ABHD17B: variants seen among roughly 807,000 people sequenced by gnomAD.
ABHD17B encodes the protein alpha/beta hydrolase domain-containing protein 17B.
ABHD17B carries 9 observed loss-of-function variants against 26.2 expected under a neutral mutation model. The observed-to-expected ratio is 0.34, with a 90% CI of 0.21 to 0.60. The LOEUF (loss-of-function observed/expected upper bound fraction) is 0.60. ABHD17B is among the 20% of genes least tolerant of loss of function. The probability of loss-of-function intolerance (pLI) is 0.80; values close to 1 mark genes in which losing one functional copy is unlikely to be tolerated. For synonymous variants in ABHD17B, 127 were observed against 122.3 expected, an observed-to-expected ratio of 1.04 and a Z score of -0.25; for missense variants, 224 against 352.1, an observed-to-expected ratio of 0.64 and a Z score of 2.91.
intron 1 of ABHD17B, among the ~76,000 whole-genome samples, chr9:71,898,224 T>C (rs767537889): frequency 2.0e-5 from 3 of 152,068 alleles, no homozygotes; most frequent in Non-Finnish European, 4.4e-5. Flanking sequence ...GTGAGAGAAT[T>C]AGAACTTCAT....
At chr9:71,871,878 C>T (rs1826124644) in intron 2 of ABHD17B, among the ~76,000 whole-genome samples, 2 of 152,108 alleles carry the variant, frequency 1.3e-5, no homozygotes, top group South Asian at 4.1e-4. Flanking sequence ...ATAGTGAATG[C>T]CAGGCCCCGA....
chr9:71,908,956 T>C (rs541770351), intron 1 of ABHD17B, among the ~76,000 whole-genome samples: 31 of 152,324 alleles, frequency 2.0e-4, no homozygotes, highest in African/African-American at 7.0e-4. Flanking sequence ...AGTGTCAAAC[T>C]TGGAACAGAC....
intron 1 of ABHD17B, among the ~76,000 whole-genome samples, chr9:71,901,336 C>A (rs1182527367): frequency 6.6e-6 from 1 of 151,740 alleles, no homozygotes; most frequent in Non-Finnish European, 1.5e-5. Flanking sequence ...TAACATCTAT[C>A]ATCAACTTGT....
chr9:71,887,520 ATTAT>A (rs1389949900), intron 1 of ABHD17B, among the ~76,000 whole-genome samples: 1 of 152,202 alleles, frequency 6.6e-6, no homozygotes, highest in Non-Finnish European at 1.5e-5. Context: ...TCCACATATG[ATTAT>A]TTAAATTTAA....
At chr9:71,893,562 C>A (rs1487169583) in intron 1 of ABHD17B, among the ~76,000 whole-genome samples, 1 of 152,228 alleles carries the variant, frequency 6.6e-6, no homozygotes, top group Admixed American at 6.5e-5. Flanking sequence ...CATCTGGAAG[C>A]TTTCTGAATC....
At chr9:71,863,347 C>T (rs1825875395), downstream of ABHD17B, among the ~76,000 whole-genome samples, 1 of 152,116 alleles carries the variant, frequency 6.6e-6, no homozygotes, top group African/African-American at 2.4e-5. Context: ...CAATTAGTTC[C>T]ATTAATTTCT....
At chr9:71,910,182 G>A (rs1827412052) in intron 1 of ABHD17B, among the ~76,000 whole-genome samples, 1 of 152,104 alleles carries the variant, frequency 6.6e-6, no homozygotes, top group African/African-American at 2.4e-5. Flanking sequence ...GGACATTCAG[G>A]AGAAAGCTTT....
chr9:71,884,456 C>G (rs987622716), intron 1 of ABHD17B, among the ~76,000 whole-genome samples: 3 of 151,918 alleles, frequency 2.0e-5, no homozygotes, highest in Non-Finnish European at 4.4e-5. Flanking sequence ...AGACTGATGA[C>G]TAGGGATTAA....
At position 71,865,244 on chromosome 9, in the gene ABHD17B, A is replaced by G. The variant is rs973916431; in HGVS notation, c.*1543T>C. On this transcript the variant is annotated 3_prime_UTR_variant, in exon 4 of 4. Transcript: ENST00000333421. ...TATACTTTGAAGAGAGTCATATACT[A>G]TAGTCTTAAACATAACCACGGAACG... 2.0e-6 allele frequency: 2 copies of G among 985,694 alleles called. No individual in the cohort carries two copies. Among genetic ancestry groups the G allele is most frequent in the Non-Finnish European group, 2.4e-6 (2 of 829,832 alleles). 61.1% of individuals were successfully genotyped at this position (985,694 alleles called of 1,614,324 possible). A position where few individuals can be genotyped will look rare whatever the true frequency, so the allele number is the denominator to read the frequency against.
downstream of ABHD17B, among the ~76,000 whole-genome samples, chr9:71,863,008 GA>G (rs904010850): frequency 1.8e-4 from 27 of 148,002 alleles, no homozygotes; most frequent in East Asian, 3.9e-4. Flanking sequence ...AAATCACCGA[GA>G]AAAAAAAAAT....
In ABHD17B at chr9:71,866,264, A is replaced by G. The variant is rs1269520196; in HGVS notation, c.*523T>C. 2 of 985,278 alleles carry G rather than the reference A, an allele frequency of 2.0e-6. No homozygotes were observed. Among genetic ancestry groups the G allele is most frequent in the Non-Finnish European group, 2.4e-6 (2 of 829,320 alleles). 61.0% of individuals were successfully genotyped at this position (985,278 alleles called of 1,614,324 possible). On this transcript the variant is annotated 3_prime_UTR_variant, in exon 4 of 4. Transcript: ENST00000333421. ...AAAATTCAATGTATTTTACAATAAAATAACTTTAAACCTCTATCCCTGTAC... is the reference window on the plus strand; with the variant it reads ...AAAATTCAATGTATTTTACAATAAAGTAACTTTAAACCTCTATCCCTGTAC...
intron 1 of ABHD17B, among the ~76,000 whole-genome samples, chr9:71,906,199 C>T (rs1489425082): frequency 6.6e-6 from 1 of 152,024 alleles, no homozygotes; most frequent in African/African-American, 2.4e-5. Context: ...GGATTTAATA[C>T]CAAGTTTATT....
intron 1 of ABHD17B, among the ~76,000 whole-genome samples, chr9:71,900,600 C>CAAGATTGA (rs1333293875): frequency 2.7e-5 from 4 of 146,220 alleles, no homozygotes; most frequent in Non-Finnish European, 6.0e-5. Context: ...TGCAGTGAGC[C>CAAGATTGA]AAGATCATGC....
intron 1 of ABHD17B, among the ~76,000 whole-genome samples, chr9:71,891,750 C>G (rs1163233796): frequency 6.6e-6 from 1 of 152,170 alleles, no homozygotes; most frequent in Non-Finnish European, 1.5e-5. Flanking sequence ...CATACGCACT[C>G]TCTCTCTCAC....
chr9:71,885,097 A>C (rs1410862130), intron 1 of ABHD17B, among the ~76,000 whole-genome samples: 2 of 152,106 alleles, frequency 1.3e-5, no homozygotes. Context: ...AACACAGAGA[A>C]GGACCCTATT....
At chr9:71,881,530 A>G (rs1344470887) in intron 1 of ABHD17B, among the ~76,000 whole-genome samples, 1 of 152,252 alleles carries the variant, frequency 6.6e-6, no homozygotes, top group African/African-American at 2.4e-5. Flanking sequence ...CAAAAGACAC[A>G]AGGATACTGA....
Position 71,865,507 on chromosome 9 carries a change from T to C in ABHD17B, c.*1280A>G, listed in dbSNP as rs41287389. 597 of 983,828 alleles carry C rather than the reference T, an allele frequency of 6.1e-4. No homozygotes were observed. Among genetic ancestry groups the C allele is most frequent in the Non-Finnish European group, 7.0e-4 (576 of 828,480 alleles). 60.9% of individuals were successfully genotyped at this position (983,828 alleles called of 1,614,324 possible). On this transcript the variant is annotated 3_prime_UTR_variant, in exon 4 of 4. Transcript: ENST00000333421. ...GAATTAAACGTATTCTTATCTCCTATACCCAGGAGTGAATCCATGAAATTC... is the reference window on the plus strand; with the variant it reads ...GAATTAAACGTATTCTTATCTCCTACACCCAGGAGTGAATCCATGAAATTC...
chr9:71,875,119 A>T, intron 1 of ABHD17B, 36 bp from the exon 2 acceptor site: 5 of 1,513,538 alleles, frequency 3.3e-6, no homozygotes, highest in Non-Finnish European at 4.5e-6. Context: ...TATTTTAATA[A>T]CTGAATGTAG....
intron 1 of ABHD17B, among the ~76,000 whole-genome samples, chr9:71,899,107 G>C (rs954662942): frequency 6.7e-6 from 1 of 149,246 alleles, no homozygotes; most frequent in Admixed American, 6.7e-5. Flanking sequence ...CTGGGCGACA[G>C]AGCAAGACTC....
Sources: allele counts gnomAD v4.1 joint callset (sites outside exome capture counted in the v4.1 genomes callset), GRCh38; gene constraint gnomAD v4.1.1; transcripts MANE v1.5; gene names NCBI Gene and HGNC (gene_info 2026-07-23, HGNC 2026-07-21).